The following PRMT2 variants were observed in gnomAD, a reference collection of about 807,000 sequenced individuals.
PRMT2 encodes the protein protein arginine methyltransferase 2.
In PRMT2, 26 loss-of-function variants were observed where a neutral mutation model predicts 57.6. The observed-to-expected ratio is 0.45, with a 90% CI of 0.33 to 0.63. The LOEUF (loss-of-function observed/expected upper bound fraction) is 0.63, where lower values mean the gene tolerates loss of function less well. Among genes scored for constraint, PRMT2 ranks in the 20% least tolerant of loss-of-function variants. The pLI is 0.02. For missense variants in PRMT2, 472 were observed against 564.4 expected (o/e 0.84, Z 1.66); for synonymous variants, 219 against 220.0 (o/e 1.00, Z 0.04).
chr21:46,643,692 A>AAAGGAGAT (rs2061319862), intron 4 of PRMT2, 53 bp downstream of exon 4: 3 of 1,537,142 alleles, frequency 2.0e-6, no homozygotes, highest in Non-Finnish European at 1.7e-6. Context: ...TTCAGTGTCA[A>AAAGGAGAT]AAGGAGATAA....
intron 5 of PRMT2, among the ~76,000 whole-genome samples, chr21:46,646,190 G>C (rs1320857955): frequency 6.6e-6 from 1 of 152,120 alleles, no homozygotes; most frequent in Non-Finnish European, 1.5e-5. Context: ...GTATAGAGGT[G>C]TTTGCTATAT....
At chr21:46,646,975 C>G (rs1019128221) in intron 5 of PRMT2, among the ~76,000 whole-genome samples, 14 of 152,190 alleles carry the variant, frequency 9.2e-5, no homozygotes, top group Admixed American at 1.3e-4. Context: ...GCACCTCTTT[C>G]ACCACAAACC....
chr21:46,658,701 G>A (rs760309393), intron 7 of PRMT2, 44 bp from the exon 8 acceptor site: 5 of 1,600,978 alleles, frequency 3.1e-6, no homozygotes, highest in Non-Finnish European at 3.4e-6. Context: ...GTGCAGCCGC[G>A]GGGCCTGTGA....
chr21:46,661,784 C>G lies in PRMT2; in HGVS notation c.961-16C>G. 7.3e-7 allele frequency: 1 copy of G among 1,363,144 alleles called. No homozygotes were observed. The highest frequency in any genetic ancestry group is 9.6e-7 in the Non-Finnish European group (1 of 1,045,322). 84.4% of individuals were successfully genotyped at this position (1,363,144 alleles called of 1,614,324 possible). On this transcript the variant is annotated splice_polypyrimidine_tract_variant and intron_variant, in intron 9 of 11. Coordinates refer to ENST00000355680, the MANE Select transcript of PRMT2 (RefSeq NM_206962.4). ...CACGCGGTGCCCACGCGTGCCTTGTCATCTGCTTGACCCAGACCCTGAGGG... is the reference window on the plus strand; with the variant it reads ...CACGCGGTGCCCACGCGTGCCTTGTGATCTGCTTGACCCAGACCCTGAGGG...
chr21:46,661,751 T>TGCGGTGCCAC, intron 9 of PRMT2, 49 bp from the exon 10 acceptor site: 1 of 1,287,606 alleles, frequency 7.8e-7, no homozygotes, highest in Non-Finnish European at 9.9e-7. Flanking sequence ...ACCCGGGCCC[T>TGCGGTGCCAC]GCGGTGCCAC....
intron 3 of PRMT2, among the ~76,000 whole-genome samples, chr21:46,637,854 T>C (rs189361806): frequency 2.2e-4 from 34 of 152,314 alleles, no homozygotes; most frequent in African/African-American, 8.2e-4. Flanking sequence ...CTCAGGAGGC[T>C]GAAGCAGGAG....
chr21:46,662,684 G>C (rs2061648691), intron 10 of PRMT2, among the ~76,000 whole-genome samples: 1 of 152,154 alleles, frequency 6.6e-6, no homozygotes, highest in South Asian at 2.1e-4. Flanking sequence ...GGGAAAAACT[G>C]GAGACCTGAG....
At chr21:46,635,805 T>C (rs1038556328) in intron 1 of PRMT2, 42 bp downstream of exon 1, 1 of 152,300 alleles carries the variant, frequency 6.6e-6, no homozygotes, top group Non-Finnish European at 1.5e-5. Context: ...GGACTGCACG[T>C]AAGGAAGGAC....
chr21:46,659,041 C>T (rs181451274), intron 8 of PRMT2, 121 bp downstream of exon 8: 35 of 1,456,262 alleles, frequency 2.4e-5, no homozygotes, highest in Admixed American at 8.0e-5. Context: ...TACCTGTGCA[C>T]CCAGATAGGA....
At chr21:46,642,015 A>G (rs944601289) in intron 3 of PRMT2, among the ~76,000 whole-genome samples, 35 of 152,212 alleles carry the variant, frequency 2.3e-4, no homozygotes, top group African/African-American at 8.2e-4. Context: ...GGAAGTAACA[A>G]CAGTGATTTT....
intron 3 of PRMT2, among the ~76,000 whole-genome samples, chr21:46,640,854 AT>A (rs917452665): frequency 1.8e-4 from 26 of 140,700 alleles, no homozygotes; most frequent in Admixed American, 1.2e-3. Context: ...CTCTATTCTT[AT>A]TTTTTTTTTC....
chr21:46,659,215 T>C (rs1000056257), intron 8 of PRMT2: 2 of 1,143,416 alleles, frequency 1.7e-6, no homozygotes, highest in Non-Finnish European at 2.2e-6. Flanking sequence ...TCTGGAGCAG[T>C]TGATTAGCCC....
intron 7 of PRMT2, among the ~76,000 whole-genome samples, chr21:46,650,552 T>C (rs1298082300): frequency 6.6e-6 from 1 of 152,318 alleles, no homozygotes; most frequent in East Asian, 1.9e-4. Context: ...TAATAACATC[T>C]GTGGAGCCAT....
At position 46,661,854 on chromosome 21, in the gene PRMT2, T is replaced by C; in HGVS notation, c.1015T>C (p.Phe339Leu). ...DIRKAGTLHG[F>L]TAWFSVHFQS... ...CAGGAAGGCGGGGACCCTGCACGGC[T>C]TCACGGCCTGGTTTAGCGTCCACTT... The change falls in exon 10 of 12, where the codon TTC becomes CTC. Residue 339 changes from phenylalanine to leucine, a missense_variant. This residue lies in a region of PRMT2 where 229 missense variants were observed against 217.2 expected (regional missense o/e 1.05). Coordinates refer to ENST00000355680, the MANE Select transcript of PRMT2 (RefSeq NM_206962.4). The C allele has an allele frequency of 1.3e-6, 2 of 1,516,540 alleles. No individual in the cohort carries two copies. Among genetic ancestry groups the C allele is most frequent in the Non-Finnish European group, 1.8e-6 (2 of 1,126,782 alleles). The allele number at this position is 1,516,540 out of a possible 1,614,324, so 93.9% of individuals were successfully genotyped here. A position where few individuals can be genotyped will look rare whatever the true frequency, so the allele number is the denominator to read the frequency against.
At chr21:46,659,478 T>C (rs1384274630) in intron 8 of PRMT2, 1 of 983,698 alleles carries the variant, frequency 1.0e-6, no homozygotes, top group Non-Finnish European at 1.2e-6. Flanking sequence ...AAGAGATGAC[T>C]AGCCAGATGG....
At chr21:46,651,928 C>G in intron 7 of PRMT2, 1 of 1,613,298 alleles carries the variant, frequency 6.2e-7, no homozygotes, top group Non-Finnish European at 8.5e-7. Context: ...TTCATGTCCT[C>G]CTTGCCTGCT....
chr21:46,654,663 C>T (rs1233525757), intron 7 of PRMT2, among the ~76,000 whole-genome samples: 1 of 152,124 alleles, frequency 6.6e-6, no homozygotes, highest in African/African-American at 2.4e-5. Context: ...ACAAATAACA[C>T]ACCAATACAG....
In PRMT2 at chr21:46,661,949, G is replaced by T; in HGVS notation, c.1097+13G>T. 2 of 1,296,080 alleles carry T rather than the reference G, an allele frequency of 1.5e-6. No individual in the cohort carries two copies. Among genetic ancestry groups the T allele is most frequent in the Non-Finnish European group, 2.0e-6 (2 of 1,011,664 alleles). 80.3% of individuals were successfully genotyped at this position (1,296,080 alleles called of 1,614,324 possible). The stretch of plus-strand genomic sequence containing the variant: ...GGCCCTTCCACCCGTGAGTGTGCGG[G>T]GCGCGGGCACGGGGTGCGGGGTGGG... On this transcript the variant is annotated intron_variant, in intron 10 of 11. Transcript: ENST00000355680.
chr21:46,660,800 A>G (rs757162482), intron 8 of PRMT2, 33 bp from the exon 9 acceptor site: 22 of 1,611,016 alleles, frequency 1.4e-5, no homozygotes, highest in Non-Finnish European at 1.7e-5. Context: ...GTTTGCAATG[A>G]CTCTCAACAG....
Sources: allele counts gnomAD v4.1 joint callset (sites outside exome capture counted in the v4.1 genomes callset), GRCh38; gene constraint gnomAD v4.1.1; regional missense constraint gnomAD v4.1.1; transcripts MANE v1.5; gene names NCBI Gene and HGNC (gene_info 2026-07-23, HGNC 2026-07-21).